Variants in MTA3 observed in about 807,000 individuals in gnomAD.
The protein encoded by MTA3 is metastasis-associated protein MTA3.
A neutral mutation model predicts 83.5 loss-of-function variants in MTA3; 34 were observed. That is an observed-to-expected ratio of 0.41 (90% confidence interval 0.31 to 0.54). The LOEUF is 0.54. Among genes scored for constraint, MTA3 ranks in the 20% least tolerant of loss-of-function variants. MTA3 has a pLI of 0.33. For missense variants in MTA3, 761 were observed against 726.4 expected (o/e 1.05, Z -0.55); for synonymous variants, 303 against 252.7 (o/e 1.20, Z -1.89).
intron 2 of MTA3, among the ~76,000 whole-genome samples, chr2:42,500,310 A>C (rs1674338999): frequency 6.6e-6 from 1 of 152,084 alleles, no homozygotes; most frequent in Non-Finnish European, 1.5e-5. Flanking sequence ...AAGGCGGGAG[A>C]ATCTCTTGGA....
intron 12 of MTA3, among the ~76,000 whole-genome samples, chr2:42,705,395 G>C (rs1033249180): frequency 6.6e-6 from 1 of 152,138 alleles, no homozygotes; most frequent in African/African-American, 2.4e-5. Flanking sequence ...AGTGGTAGTG[G>C]CTTAACCTGT....
At chr2:42,595,405 C>T (rs991017138) in intron 3 of MTA3, among the ~76,000 whole-genome samples, 13 of 152,002 alleles carry the variant, frequency 8.6e-5, no homozygotes, top group African/African-American at 2.2e-4. Flanking sequence ...CCACTGTGCC[C>T]GGCATGTTTT....
At chr2:42,582,057 A>G (rs1351522171) in intron 3 of MTA3, 1 of 145,104 alleles carries the variant, frequency 6.9e-6, no homozygotes, top group African/African-American at 2.6e-5. Flanking sequence ...GCAATATGAG[A>G]TATTTTATCT....
intron 2 of MTA3, among the ~76,000 whole-genome samples, chr2:42,537,421 T>C (rs577967898): frequency 3.1e-4 from 47 of 151,970 alleles, no homozygotes; most frequent in African/African-American, 1.1e-3. Flanking sequence ...AAAAATTAGC[T>C]GGGCATAGTG....
chr2:42,539,429 A>T (rs1676421255), intron 2 of MTA3, among the ~76,000 whole-genome samples: 1 of 152,050 alleles, frequency 6.6e-6, no homozygotes, highest in African/African-American at 2.4e-5. Context: ...GTGAGAACTT[A>T]CTATCACGAG....
At chr2:42,496,615 A>G (rs1004265494) in intron 2 of MTA3, among the ~76,000 whole-genome samples, 3 of 101,166 alleles carry the variant, frequency 3.0e-5, no homozygotes, top group Non-Finnish European at 6.6e-5. Context: ...TAGGAAAAAA[A>G]AAAAAAAAAA....
At chr2:42,722,221 G>A (rs555892072) in intron 15 of MTA3, among the ~76,000 whole-genome samples, 1 of 152,252 alleles carries the variant, frequency 6.6e-6, no homozygotes, top group African/African-American at 2.4e-5. Context: ...TACAATAAGA[G>A]CACGTAGTTC....
chr2:42,711,777 A>AGTGTGTGTGTGTGTGT (rs1553393276), intron 14 of MTA3, among the ~76,000 whole-genome samples: 1 of 148,534 alleles, frequency 6.7e-6, no homozygotes, highest in African/African-American at 2.5e-5. Flanking sequence ...TATAGGAGAG[A>AGTGTGTGTGTGTGTGT]GAGAGAGTGT....
At chr2:42,692,406 A>T (rs1278228217) in intron 9 of MTA3, among the ~76,000 whole-genome samples, 2 of 149,476 alleles carry the variant, frequency 1.3e-5, no homozygotes, top group East Asian at 3.9e-4. Flanking sequence ...TCCTCAAAAC[A>T]GCTATCTTGA....
intron 16 of MTA3, among the ~76,000 whole-genome samples, chr2:42,738,932 C>G (rs937281810): frequency 6.6e-6 from 1 of 152,134 alleles, no homozygotes; most frequent in Non-Finnish European, 1.5e-5. Flanking sequence ...ATCTCAAAAC[C>G]CTGTCTCCTG....
At chr2:42,647,497 G>T (rs1558540321) in intron 6 of MTA3, among the ~76,000 whole-genome samples, 1 of 152,016 alleles carries the variant, frequency 6.6e-6, no homozygotes, top group Non-Finnish European at 1.5e-5. Context: ...AAAGTGCTGG[G>T]ATTACAGGTG....
intron 4 of MTA3, among the ~76,000 whole-genome samples, chr2:42,628,812 A>G (rs1340504190): frequency 1.4e-5 from 2 of 147,650 alleles, no homozygotes; most frequent in African/African-American, 5.0e-5. Context: ...ACCTAGAGCA[A>G]TTAGTGTTTG....
intron 16 of MTA3, among the ~76,000 whole-genome samples, chr2:42,746,948 A>G (rs1164290744): frequency 1.3e-5 from 2 of 152,080 alleles, no homozygotes; most frequent in East Asian, 3.9e-4. Flanking sequence ...GTATGATCTA[A>G]TATGAATAGA....
intron 4 of MTA3, among the ~76,000 whole-genome samples, chr2:42,614,652 G>A (rs892666159): frequency 6.7e-6 from 1 of 148,562 alleles, no homozygotes; most frequent in Non-Finnish European, 1.5e-5. Context: ...TATATAACTC[G>A]TGTAATATAG....
intron 2 of MTA3, among the ~76,000 whole-genome samples, chr2:42,522,285 C>T (rs1264355270): frequency 6.6e-6 from 1 of 152,142 alleles, no homozygotes; most frequent in Non-Finnish European, 1.5e-5. Context: ...TGTGAGCTAT[C>T]TGTGTCTAGG....
At chr2:42,599,098 T>C (rs1682218329) in intron 3 of MTA3, among the ~76,000 whole-genome samples, 1 of 152,178 alleles carries the variant, frequency 6.6e-6, no homozygotes, top group African/African-American at 2.4e-5. Context: ...GGACGGTGGC[T>C]AATGTCCCAT....
intron 2 of MTA3, among the ~76,000 whole-genome samples, chr2:42,530,695 G>T (rs1007064356): frequency 6.6e-6 from 1 of 151,832 alleles, no homozygotes; most frequent in African/African-American, 2.4e-5. Flanking sequence ...TGAGGCAGGA[G>T]AATCGCTTGA....
At chr2:42,715,721 G>C (rs981015777) in intron 14 of MTA3, among the ~76,000 whole-genome samples, 1 of 152,112 alleles carries the variant, frequency 6.6e-6, no homozygotes, top group Non-Finnish European at 1.5e-5. Flanking sequence ...TTTGGGTATT[G>C]TGTTGGTGAC....
chr2:42,716,256 A>G (rs1420988574), intron 14 of MTA3, among the ~76,000 whole-genome samples: 1 of 152,216 alleles, frequency 6.6e-6, no homozygotes, highest in Non-Finnish European at 1.5e-5. Flanking sequence ...TCTGGGTGCT[A>G]TATTTTCAGA....
Sources: gnomAD v4.1 joint callset for allele counts (sites outside exome capture counted in the v4.1 genomes callset) on GRCh38, gnomAD v4.1.1 for gene constraint, MANE v1.5 for transcripts, NCBI Gene and HGNC (gene_info 2026-07-23, HGNC 2026-07-21) for gene names.